CNTNAP3B: variants seen among roughly 807,000 people sequenced by gnomAD.
The protein encoded by CNTNAP3B is contactin-associated protein-like 3B.
A neutral mutation model predicts 108.9 loss-of-function variants in CNTNAP3B; 25 were observed. The ratio of observed to expected loss-of-function variants is 0.23; its 90% CI spans 0.17 to 0.32. The LOEUF is 0.32. Among genes scored for constraint, CNTNAP3B ranks in the 10% least tolerant of loss-of-function variants. The probability of loss-of-function intolerance (pLI) is 1.00; values close to 1 mark genes in which losing one functional copy is unlikely to be tolerated. For missense variants in CNTNAP3B, 252 were observed against 1,210.4 expected (o/e 0.21, Z 11.75); for synonymous variants, 103 against 473.4 (o/e 0.22, Z 10.16).
At chr9:42,101,860 C>G (rs1203222930) in intron 2 of CNTNAP3B, among the ~76,000 whole-genome samples, 5 of 116,304 alleles carry the variant, frequency 4.3e-5, no homozygotes, top group Non-Finnish European at 8.9e-5. Flanking sequence ...ACATTGAGAC[C>G]ATCCGGGCCA....
intron 2 of CNTNAP3B, among the ~76,000 whole-genome samples, chr9:42,098,813 T>C (rs966418487): frequency 2.3e-5 from 3 of 130,580 alleles, no homozygotes; most frequent in African/African-American, 9.3e-5. Context: ...TTATTTGTGC[T>C]AATAATAGAA....
At chr9:41,919,100 G>A (rs1464953939) in intron 18 of CNTNAP3B, among the ~76,000 whole-genome samples, 1 of 152,256 alleles carries the variant, frequency 6.6e-6, no homozygotes, top group African/African-American at 2.4e-5. Flanking sequence ...AGTCAGTACA[G>A]AGTACTTAAT....
chr9:42,118,689 G>A (rs1828380840), intron 1 of CNTNAP3B, among the ~76,000 whole-genome samples: 1 of 112,636 alleles, frequency 8.9e-6, no homozygotes, highest in Non-Finnish European at 1.8e-5. Flanking sequence ...AATCAGGCAG[G>A]AGAAGGAAAT....
chr9:41,995,685 C>T (rs1268581299), intron 7 of CNTNAP3B, among the ~76,000 whole-genome samples: 2 of 118,546 alleles, frequency 1.7e-5, no homozygotes, highest in Admixed American at 8.9e-5. Flanking sequence ...GAGCCAAGAT[C>T]GTGACACTGC....
chr9:41,953,148 C>T (rs1480261163), intron 13 of CNTNAP3B, 35 bp downstream of exon 13: 12 of 1,492,082 alleles, frequency 8.0e-6, no homozygotes, highest in East Asian at 2.7e-5. Context: ...GCCCCGGCCT[C>T]GTGAGCCCCT....
At chr9:42,032,911 C>T (rs970109663) in intron 3 of CNTNAP3B, among the ~76,000 whole-genome samples, 1 of 137,740 alleles carries the variant, frequency 7.3e-6, no homozygotes, top group African/African-American at 2.9e-5. Context: ...ATAAGACCAC[C>T]GTCCTACAGG....
intron 17 of CNTNAP3B, among the ~76,000 whole-genome samples, chr9:41,920,638 C>T (rs1451696153): frequency 1.3e-5 from 2 of 152,304 alleles, no homozygotes; most frequent in African/African-American, 4.8e-5. Context: ...ACATCAAACA[C>T]TATTTTACTT....
chr9:41,944,831 C>A (rs1316807485), intron 13 of CNTNAP3B, among the ~76,000 whole-genome samples: 1 of 152,284 alleles, frequency 6.6e-6, no homozygotes. Context: ...AGTGAACAGG[C>A]AACCTATAGA....
intron 1 of CNTNAP3B, among the ~76,000 whole-genome samples, chr9:42,125,465 C>G (rs959575214): frequency 7.1e-6 from 1 of 141,764 alleles, no homozygotes; most frequent in African/African-American, 2.8e-5. Context: ...CTAAGCTGAA[C>G]TGAATGACCT....
chr9:41,932,692 G>T (rs1409098866), intron 14 of CNTNAP3B, among the ~76,000 whole-genome samples: 1 of 151,988 alleles, frequency 6.6e-6, no homozygotes, highest in African/African-American at 2.4e-5. Context: ...GCTAATTTTT[G>T]TATTTTTAGT....
At chr9:41,981,978 G>T (rs1373034824) in intron 9 of CNTNAP3B, among the ~76,000 whole-genome samples, 1 of 80,540 alleles carries the variant, frequency 1.2e-5, no homozygotes, top group Non-Finnish European at 2.4e-5. Flanking sequence ...CTGAGGCGGG[G>T]GAACCTCTTA....
At chr9:42,125,197 C>T (rs370489996) in intron 1 of CNTNAP3B, among the ~76,000 whole-genome samples, 2 of 137,242 alleles carry the variant, frequency 1.5e-5, no homozygotes, top group South Asian at 2.4e-4. Context: ...TTCACCAATT[C>T]CCAATCATGT....
intron 14 of CNTNAP3B, among the ~76,000 whole-genome samples, chr9:41,930,585 C>G (rs1178089935): frequency 1.8e-4 from 27 of 151,982 alleles, no homozygotes; most frequent in Non-Finnish European, 3.1e-4. Flanking sequence ...ACACTCAGCG[C>G]TCACCTTTTG....
chr9:42,096,829 T>C (rs1293014982), intron 2 of CNTNAP3B, among the ~76,000 whole-genome samples: 11 of 123,714 alleles, frequency 8.9e-5, no homozygotes, highest in Non-Finnish European at 1.7e-4. Context: ...AAAGAAACTT[T>C]CCAAAAGCTC....
rs1333862797 is a variant in CNTNAP3B, at chr9:42,108,733, G to C, written c.86-3994C>G. Among the ~76,000 whole-genome samples the C allele has an allele frequency of 1.2e-4, 16 of 135,444 alleles. 2 individuals carry two copies. The highest frequency in any genetic ancestry group is 2.2e-4 in the Non-Finnish European group (14 of 63,710). 88.9% of individuals were successfully genotyped at this position (135,444 alleles called of 152,430 possible). A position where few individuals can be genotyped will look rare whatever the true frequency, so the allele number is the denominator to read the frequency against. ...TAGTCTCGGTGATTAGCTCTGCCTA[G>C]GTTCCTCTCTCCCCACTCTATGGTC... On this transcript the variant is annotated intron_variant, in intron 1 of 23. Coordinates refer to ENST00000377561, the MANE Select transcript of CNTNAP3B (RefSeq NM_001201380.3).
chr9:42,093,194 A>C lies in CNTNAP3B; in HGVS notation c.196+11435T>G, dbSNP rs1365773320. 8.5e-5 allele frequency among the ~76,000 whole-genome samples: 8 copies of C among 93,978 alleles called. 3 individuals are homozygous for C. Among genetic ancestry groups the C allele is most frequent in the Admixed American group, 2.2e-4 (2 of 9,028 alleles). The allele number at this position is 93,978 out of a possible 152,430, so 61.7% of individuals were successfully genotyped here. On this transcript the variant is annotated intron_variant, in intron 2 of 23. Transcript: ENST00000377561. ...CCCCGTCTCTACTAAAAATACAAAA[A>C]ATTAGCCAGGCGTGGTGGCGCGACC...
chr9:42,019,479 C>T (rs1426467665), intron 3 of CNTNAP3B, among the ~76,000 whole-genome samples: 3 of 69,530 alleles, frequency 4.3e-5, no homozygotes, highest in Non-Finnish European at 8.4e-5. Context: ...GGGCCAGGCA[C>T]GGTGGCTTAC....
intron 10 of CNTNAP3B, among the ~76,000 whole-genome samples, chr9:41,967,322 T>G (rs1455113919): frequency 2.0e-5 from 3 of 152,240 alleles, no homozygotes; most frequent in Non-Finnish European, 2.9e-5. Flanking sequence ...TCTCACGAGA[T>G]CTGATGGTTT....
intron 13 of CNTNAP3B, among the ~76,000 whole-genome samples, chr9:41,942,518 G>T (rs1448489004): frequency 6.6e-6 from 1 of 151,466 alleles, no homozygotes; most frequent in South Asian, 2.1e-4. Context: ...GGCTGAGGCG[G>T]GAGAATGGCG....
Sources: allele counts gnomAD v4.1 joint callset (sites outside exome capture counted in the v4.1 genomes callset), GRCh38; gene constraint gnomAD v4.1.1; transcripts MANE v1.5; gene names NCBI Gene and HGNC (gene_info 2026-07-23, HGNC 2026-07-21).